Variants in FBXL17 observed in about 807,000 individuals in gnomAD.
FBXL17 encodes F-box/LRR-repeat protein 17.
FBXL17 carries 22 observed loss-of-function variants against 66.2 expected under a neutral mutation model. The observed-to-expected ratio is 0.33, with a 90% CI of 0.24 to 0.47. FBXL17 has a LOEUF of 0.47. FBXL17 is among the 20% of genes least tolerant of loss of function. FBXL17 has a pLI of 1.00. For missense variants in FBXL17, 878 were observed against 948.2 expected, an observed-to-expected ratio of 0.93 and a Z score of 0.97; for synonymous variants, 474 against 400.5, an observed-to-expected ratio of 1.18 and a Z score of -2.19.
chr5:108,255,276 A>G (rs1756528037), intron 4 of FBXL17, among the ~76,000 whole-genome samples: 1 of 152,218 alleles, frequency 6.6e-6, no homozygotes. Flanking sequence ...AGCATGCAGC[A>G]TATTTTAATA....
chr5:107,959,617 G>A (rs1005736950), intron 7 of FBXL17, among the ~76,000 whole-genome samples: 1 of 152,092 alleles, frequency 6.6e-6, no homozygotes, highest in African/African-American at 2.4e-5. Context: ...TATTTTAATA[G>A]GAGTGGCTTT....
chr5:108,025,727 G>GCA (rs34719664), intron 6 of FBXL17, among the ~76,000 whole-genome samples: 32,179 of 140,650 alleles, frequency 0.23, 3,599 homozygotes, highest in Middle Eastern at 0.27. Flanking sequence ...ACGCGCGCGC[G>GCA]CACACACACA....
chr5:107,990,404 A>T lies in FBXL17; in HGVS notation c.1822+30521T>A, dbSNP rs987888274. On this transcript the variant is annotated intron_variant, in intron 7 of 8. Transcript: ENST00000542267. ...GGGTAAAAGATGTTTATCATCATTT[A>T]TTCATTTATCATTTGATTATTAAGT... Among the ~76,000 whole-genome samples, 18 of 152,334 alleles carry T rather than the reference A, an allele frequency of 1.2e-4. No individual in the cohort carries two copies. In the East Asian group the frequency reaches 3.5e-3, roughly 29 times the overall value.
chr5:108,045,911 A>G (rs1325600294), intron 6 of FBXL17, among the ~76,000 whole-genome samples: 1 of 152,240 alleles, frequency 6.6e-6, no homozygotes, highest in Admixed American at 6.5e-5. Flanking sequence ...CGACATGGTT[A>G]CTTGAAAAGA....
intron 7 of FBXL17, among the ~76,000 whole-genome samples, chr5:107,941,568 T>C (rs972563970): frequency 6.6e-6 from 1 of 152,196 alleles, no homozygotes; most frequent in Non-Finnish European, 1.5e-5. Context: ...AAAGTTCTAA[T>C]GCAAACTTTA....
rs563159674 is a variant in FBXL17 at position 108,201,146 on chromosome 5, C to G, written c.1615-14899G>C. Among the ~76,000 whole-genome samples, 7 of 152,252 alleles carry G rather than the reference C, an allele frequency of 4.6e-5. No homozygotes were observed. The East Asian group carries it at 1.2e-3, about 25-fold the overall frequency. ...AAAGAATGCAACTACAATAAAGACA[C>G]AACATAATTTATCTTGCTTTCAATA... On this transcript the variant is annotated intron_variant, in intron 5 of 8. Transcript: ENST00000542267.
chr5:108,173,714 T>A (rs910731453), intron 6 of FBXL17, among the ~76,000 whole-genome samples: 2 of 152,232 alleles, frequency 1.3e-5, no homozygotes, highest in African/African-American at 2.4e-5. Flanking sequence ...AGCTACTTGC[T>A]TGTTTGACAA....
chr5:107,962,240 T>C (rs1428808848), intron 7 of FBXL17, among the ~76,000 whole-genome samples: 2 of 152,206 alleles, frequency 1.3e-5, no homozygotes, highest in Admixed American at 6.5e-5. Flanking sequence ...TTATGTTACG[T>C]ATACCTCACC....
At chr5:108,148,492 C>T (rs575125494) in intron 6 of FBXL17, among the ~76,000 whole-genome samples, 53 of 152,322 alleles carry the variant, frequency 3.5e-4, no homozygotes, top group African/African-American at 1.3e-3. Flanking sequence ...TCATGAATCA[C>T]TGTCTGTCCA....
chr5:107,945,572 A>G (rs1341853422), intron 7 of FBXL17, among the ~76,000 whole-genome samples: 1 of 152,200 alleles, frequency 6.6e-6, no homozygotes, highest in Admixed American at 6.5e-5. Context: ...ATGTGGCTAA[A>G]TCTCAAAAGC....
At chr5:108,278,592 T>C (rs1201187553) in intron 4 of FBXL17, among the ~76,000 whole-genome samples, 2 of 152,088 alleles carry the variant, frequency 1.3e-5, no homozygotes, top group East Asian at 3.9e-4. Flanking sequence ...CAGGACTGAG[T>C]TGCAGGCCAG....
chr5:108,046,906 CCTTT>C (rs1309686351), intron 6 of FBXL17, among the ~76,000 whole-genome samples: 1 of 152,176 alleles, frequency 6.6e-6, no homozygotes, highest in Non-Finnish European at 1.5e-5. Flanking sequence ...AAAGTCCCTT[CCTTT>C]ATTATTTCCT....
intron 8 of FBXL17, chr5:107,879,556 C>G: frequency 1.0e-6 from 1 of 985,342 alleles, no homozygotes; most frequent in Non-Finnish European, 1.2e-6. Context: ...TGGCAAAGGT[C>G]TCGTATAAGT....
chr5:108,382,091 G>T lies in FBXL17; in HGVS notation c.-400C>A. The T allele has an allele frequency of 2.1e-6, 1 of 466,842 alleles. No individual in the cohort carries two copies. Among genetic ancestry groups the T allele is most frequent in the Non-Finnish European group, 2.8e-6 (1 of 352,152 alleles). 28.9% of individuals were successfully genotyped at this position (466,842 alleles called of 1,614,324 possible). A position where few individuals can be genotyped will look rare whatever the true frequency, so the allele number is the denominator to read the frequency against. On this transcript the variant is annotated 5_prime_UTR_variant, in exon 1 of 9. Transcript: ENST00000542267. The stretch of plus-strand genomic sequence containing the variant: ...GGATCCGCCGCCGGCGCGCGCACCC[G>T]CGACTCTGCTCGGAGCCGCAGGAGC...
intron 7 of FBXL17, among the ~76,000 whole-genome samples, chr5:108,019,945 A>G (rs1271509052): frequency 2.0e-5 from 3 of 151,836 alleles, no homozygotes; most frequent in Non-Finnish European, 2.9e-5. Context: ...AAAAAATTAG[A>G]TTATTTTTAA....
chr5:108,192,336 A>G (rs1216738178), intron 5 of FBXL17, among the ~76,000 whole-genome samples: 1 of 152,204 alleles, frequency 6.6e-6, no homozygotes, highest in Non-Finnish European at 1.5e-5. Context: ...GTTTCACTCC[A>G]ATTTTTAAAT....
intron 4 of FBXL17, among the ~76,000 whole-genome samples, chr5:108,268,292 T>C (rs2150134259): frequency 6.6e-6 from 1 of 152,176 alleles, no homozygotes; most frequent in African/African-American, 2.4e-5. Context: ...TGTGTGTGTC[T>C]GCAGGCACAA....
intron 5 of FBXL17, among the ~76,000 whole-genome samples, chr5:108,214,315 A>G (rs778508081): frequency 2.6e-5 from 4 of 151,948 alleles, no homozygotes; most frequent in African/African-American, 9.7e-5. Context: ...AAAGAGTAGA[A>G]TATTTTAATT....
At chr5:108,058,880 T>C (rs2112840044) in intron 6 of FBXL17, among the ~76,000 whole-genome samples, 1 of 152,278 alleles carries the variant, frequency 6.6e-6, no homozygotes, top group Middle Eastern at 3.4e-3. Context: ...GAACACTCAG[T>C]ATATTTGATG....
Sources: gnomAD v4.1 joint callset for allele counts (sites outside exome capture counted in the v4.1 genomes callset) on GRCh38, gnomAD v4.1.1 for gene constraint, MANE v1.5 for transcripts, NCBI Gene and HGNC (gene_info 2026-07-23, HGNC 2026-07-21) for gene names.